The following AHCY variants were observed in gnomAD, a reference collection of about 807,000 sequenced individuals.
The protein encoded by AHCY is adenosylhomocysteinase.
AHCY carries 24 observed loss-of-function variants against 45.4 expected under a neutral mutation model. That is an observed-to-expected ratio of 0.53 (90% confidence interval 0.38 to 0.74). The LOEUF (loss-of-function observed/expected upper bound fraction) is 0.74. Among genes scored for constraint, AHCY ranks in the 30% least tolerant of loss-of-function variants. The pLI is 0.00. For missense variants in AHCY, 449 were observed against 594.1 expected (o/e 0.76, Z 2.54); for synonymous variants, 245 against 235.1 (o/e 1.04, Z -0.39).
intron 8 of AHCY, chr20:34,286,270 C>G (rs186996820): frequency 6.1e-4 from 95 of 155,426 alleles, no homozygotes; most frequent in Admixed American, 1.2e-3. Flanking sequence ...GTACTAAGTC[C>G]TTTACAGGTA....
At chr20:34,258,685 A>ATATATATATATATATATATATG in the AHCY span, among the ~76,000 whole-genome samples, 46 of 74,470 alleles carry the variant, frequency 6.2e-4, 2 homozygotes, top group African/African-American at 3.9e-3. Flanking sequence ...ATATATATAT[A>ATATATATATATATATATATATG]TATATACATA....
the AHCY span, among the ~76,000 whole-genome samples, chr20:34,237,693 T>C: frequency 6.6e-6 from 1 of 152,164 alleles, no homozygotes; most frequent in Non-Finnish European, 1.5e-5. Flanking sequence ...CTATTTTGAG[T>C]AGAGGTGGTG....
chr20:34,304,251 A>G (rs1226008642), upstream of AHCY, among the ~76,000 whole-genome samples: 2 of 152,108 alleles, frequency 1.3e-5, no homozygotes, highest in Non-Finnish European at 2.9e-5. Flanking sequence ...TAGCTTGAGT[A>G]TATTCATTTT....
At chr20:34,245,474 G>A in the AHCY span, among the ~76,000 whole-genome samples, 86 of 148,624 alleles carry the variant, frequency 5.8e-4, no homozygotes, top group Middle Eastern at 3.5e-3. Flanking sequence ...TGCAACCTCC[G>A]CCTCCCAGGT....
At chr20:34,292,117 C>CA (rs1351356518) in intron 4 of AHCY, among the ~76,000 whole-genome samples, 1 of 152,264 alleles carries the variant, frequency 6.6e-6, no homozygotes, top group African/African-American at 2.4e-5. Flanking sequence ...GGCTCCCTCC[C>CA]AGCTATTCCC....
the AHCY span, among the ~76,000 whole-genome samples, chr20:34,243,619 A>G: frequency 2.0e-5 from 3 of 152,278 alleles, no homozygotes; most frequent in South Asian, 6.2e-4. Context: ...CAGAATACAT[A>G]TGTAACACAT....
At chr20:34,235,505 G>T in the AHCY span, among the ~76,000 whole-genome samples, 1 of 152,026 alleles carries the variant, frequency 6.6e-6, no homozygotes, top group South Asian at 2.1e-4. Flanking sequence ...GTTCACGAAG[G>T]TTCTATATGG....
chr20:34,283,770 T>C (rs905277762), intron 9 of AHCY, among the ~76,000 whole-genome samples: 11 of 152,220 alleles, frequency 7.2e-5, no homozygotes, highest in African/African-American at 2.7e-4. Context: ...CAGCAAGACA[T>C]TGCTCCAGGG....
chr20:34,274,803 A>G, the AHCY span, among the ~76,000 whole-genome samples: 1 of 152,004 alleles, frequency 6.6e-6, no homozygotes, highest in Non-Finnish European at 1.5e-5. Context: ...TTTTAAATTA[A>G]ATTAGCCAGG....
At chr20:34,278,439 C>T (rs894121380), downstream of AHCY, among the ~76,000 whole-genome samples, 3 of 152,150 alleles carry the variant, frequency 2.0e-5, no homozygotes, top group African/African-American at 7.2e-5. Flanking sequence ...CAGCAGAAGG[C>T]GTTCAACCTC....
At chr20:34,291,830 T>C (rs1249855520) in intron 4 of AHCY, among the ~76,000 whole-genome samples, 2 of 151,792 alleles carry the variant, frequency 1.3e-5, no homozygotes, top group Non-Finnish European at 2.9e-5. Flanking sequence ...CCACAACCCA[T>C]CCTCCATGCA....
intron 8 of AHCY, among the ~76,000 whole-genome samples, chr20:34,287,853 G>A (rs1159562571): frequency 2.0e-5 from 3 of 152,212 alleles, no homozygotes; most frequent in African/African-American, 7.2e-5. Flanking sequence ...GCCCTTGAGA[G>A]GACGGACAAG....
chr20:34,291,599 T>C lies in AHCY; in HGVS notation c.446-68A>G, dbSNP rs1057176190. The C allele has an allele frequency of 3.6e-6, 5 of 1,389,960 alleles. No individual in the cohort carries two copies. The South Asian group carries it at 4.6e-5, about 13-fold the overall frequency. 86.1% of individuals were successfully genotyped at this position (1,389,960 alleles called of 1,614,324 possible). ...TGTGCTCATGCAAATTCCTCATCTTTACCCCCTAAAGCCATTCCTCTTTCT... is the reference window on the plus strand; with the variant it reads ...TGTGCTCATGCAAATTCCTCATCTTCACCCCCTAAAGCCATTCCTCTTTCT... On this transcript the variant is annotated intron_variant, in intron 4 of 9. Coordinates refer to ENST00000217426, the MANE Select transcript of AHCY (RefSeq NM_000687.4).
chr20:34,274,568 C>G, the AHCY span, among the ~76,000 whole-genome samples: 1 of 152,170 alleles, frequency 6.6e-6, no homozygotes, highest in East Asian at 1.9e-4. Context: ...AGTGGAGCTT[C>G]TGGAGAGAAG....
chr20:34,299,329 T>C (rs960046380), intron 1 of AHCY, among the ~76,000 whole-genome samples: 7 of 152,182 alleles, frequency 4.6e-5, no homozygotes, highest in Admixed American at 1.3e-4. Context: ...CCTAAGACCA[T>C]GTTTCTACCA....
intron 5 of AHCY, 53 bp downstream of exon 5, chr20:34,291,366 T>C (rs1422944782): frequency 1.3e-6 from 2 of 1,520,492 alleles, no homozygotes; most frequent in Non-Finnish European, 1.8e-6. Flanking sequence ...TTCAGAGGCC[T>C]CGTCCTGAGC....
Position 34,290,673 on chromosome 20 carries a change from T to C in AHCY, c.767-35A>G. On this transcript the variant is annotated intron_variant, in intron 6 of 9. Transcript: ENST00000217426. This position sits in a 1 kb window ranked among gnomAD's most constrained non-coding sequence, Gnocchi z 4.5. Reference sequence around the variant, plus strand: ...GACAGTGGCTGTGGGTCATCTACGGTGGCCTTGCCCCTCCCTCTGGCCCCA... The same window carrying C: ...GACAGTGGCTGTGGGTCATCTACGGCGGCCTTGCCCCTCCCTCTGGCCCCA... 1 of 1,613,966 alleles carries C rather than the reference T, an allele frequency of 6.2e-7. No individual in the cohort carries two copies. Among genetic ancestry groups the C allele is most frequent in the Non-Finnish European group, 8.5e-7 (1 of 1,179,934 alleles).
At chr20:34,247,387 G>A in the AHCY span, among the ~76,000 whole-genome samples, 11 of 142,694 alleles carry the variant, frequency 7.7e-5, no homozygotes, top group African/African-American at 2.4e-4. Flanking sequence ...TGCAACCTCC[G>A]CCTCCCGGGT....
chr20:34,279,289 C>A (rs56793751), downstream of AHCY, among the ~76,000 whole-genome samples: 3 of 147,972 alleles, frequency 2.0e-5, no homozygotes, highest in African/African-American at 7.5e-5. Context: ...GGCGTGGTGG[C>A]GGGTGCCTGT....
Sources: gnomAD v4.1 joint callset for allele counts (sites outside exome capture counted in the v4.1 genomes callset) on GRCh38, gnomAD v4.1.1 for gene constraint, Gnocchi (gnomAD v3.1) non-coding constraint, MANE v1.5 for transcripts, NCBI Gene and HGNC (gene_info 2026-07-23, HGNC 2026-07-21) for gene names.